The following EDEM3 variants were observed in gnomAD, a reference collection of about 807,000 sequenced individuals.
The protein encoded by EDEM3 is ER degradation-enhancing alpha-mannosidase-like protein 3.
Under a neutral mutation model 110.2 loss-of-function variants are expected in EDEM3, and 60 were observed. The observed-to-expected ratio is 0.54, with a 90% confidence interval of 0.44 to 0.67. EDEM3 has a LOEUF of 0.67. EDEM3 is among the 30% of genes least tolerant of loss of function. The probability of loss-of-function intolerance (pLI) is 0.00; values close to 1 mark genes in which losing one functional copy is unlikely to be tolerated. For synonymous variants in EDEM3, 352 were observed against 382.9 expected (o/e 0.92, Z 0.94); for missense variants, 996 against 1,121.0 (o/e 0.89, Z 1.59).
chr1:184,724,992 T>C (rs1238880672), intron 7 of EDEM3, among the ~76,000 whole-genome samples: 2 of 152,166 alleles, frequency 1.3e-5, no homozygotes, highest in Admixed American at 1.3e-4. Flanking sequence ...TCTGTCACTG[T>C]AGCACCAAAG....
intron 18 of EDEM3, 138 bp downstream of exon 18, chr1:184,706,505 G>A (rs1649934839): frequency 1.6e-6 from 1 of 627,148 alleles, no homozygotes; most frequent in East Asian, 3.0e-5. Context: ...AAAGTCATTG[G>A]ATTACCTATC....
chr1:184,719,124 G>C (rs1041155690), intron 11 of EDEM3, 38 bp downstream of exon 11: 3 of 1,171,498 alleles, frequency 2.6e-6, no homozygotes, highest in Non-Finnish European at 3.7e-6. Context: ...GTGTGTGTTT[G>C]TGTGTGTGTA....
At chr1:184,694,807 T>C (rs1030418348) in intron 19 of EDEM3, among the ~76,000 whole-genome samples, 54 of 152,076 alleles carry the variant, frequency 3.6e-4, no homozygotes, top group Non-Finnish European at 7.7e-4. Context: ...ATTTGCAATG[T>C]ATGGCTAAAA....
chr1:184,736,908 T>C, intron 4 of EDEM3, 117 bp downstream of exon 4: 1 of 811,640 alleles, frequency 1.2e-6, no homozygotes, highest in East Asian at 2.5e-5. Context: ...GAAGCAAAGA[T>C]CAGAACATCT....
intron 15 of EDEM3, among the ~76,000 whole-genome samples, chr1:184,711,419 T>C (rs1650223972): frequency 6.6e-6 from 1 of 152,146 alleles, no homozygotes; most frequent in Non-Finnish European, 1.5e-5. Context: ...TCGATGAAAC[T>C]ATTCCATGAA....
chr1:184,737,558 T>C, intron 3 of EDEM3, 53 bp downstream of exon 3: 1 of 1,547,360 alleles, frequency 6.5e-7, no homozygotes, highest in Non-Finnish European at 8.9e-7. Flanking sequence ...TCTGTAAAAG[T>C]CTAAGACTTG....
At chr1:184,732,068 C>A (rs940149954) in intron 6 of EDEM3, among the ~76,000 whole-genome samples, 1 of 151,816 alleles carries the variant, frequency 6.6e-6, no homozygotes, top group Non-Finnish European at 1.5e-5. Context: ...CCCAGCTACT[C>A]GGGAGGCTGA....
intron 6 of EDEM3, among the ~76,000 whole-genome samples, chr1:184,730,279 G>A (rs1651433921): frequency 6.6e-6 from 1 of 152,190 alleles, no homozygotes; most frequent in Non-Finnish European, 1.5e-5. Context: ...ATAAAAAGAT[G>A]TGTATCAGAA....
At position 184,744,766 on chromosome 1, in the gene EDEM3, T is replaced by C. The variant is rs375943027; in HGVS notation, c.204+4781A>G. Among the ~76,000 whole-genome samples, 5 of 152,234 alleles carry C rather than the reference T, an allele frequency of 3.3e-5. 1 individual carries two copies. Among genetic ancestry groups the C allele is most frequent in the African/African-American group, 9.6e-5 (4 of 41,576 alleles). The stretch of plus-strand genomic sequence containing the variant: ...TTACAATATATCTCCAATATTGTGT[T>C]CTAGCAAATCAACTAACACTACTGA... On this transcript the variant is annotated intron_variant, in intron 2 of 19. Coordinates refer to ENST00000318130, the MANE Select transcript of EDEM3 (RefSeq NM_025191.4).
chr1:184,723,395 G>A (rs982436844), intron 8 of EDEM3, among the ~76,000 whole-genome samples: 3 of 151,910 alleles, frequency 2.0e-5, no homozygotes, highest in Non-Finnish European at 4.4e-5. Flanking sequence ...CTATATTTCT[G>A]GAGGTAGGAG....
chr1:184,708,615 G>A (rs559664913), intron 16 of EDEM3, among the ~76,000 whole-genome samples: 1 of 152,162 alleles, frequency 6.6e-6, no homozygotes, highest in Non-Finnish European at 1.5e-5. Flanking sequence ...GACTTCTAGC[G>A]AATGCTCAAA....
At chr1:184,751,781 T>A (rs1474911782) in intron 1 of EDEM3, among the ~76,000 whole-genome samples, 1 of 152,204 alleles carries the variant, frequency 6.6e-6, no homozygotes, top group Non-Finnish European at 1.5e-5. Context: ...GAGACAGAGT[T>A]TTGCTCTTGT....
In EDEM3 at chr1:184,723,840, G is replaced by C; in HGVS notation, c.764C>G (p.Ala255Gly). ...TCTTTTTTCCCAGAGAAAATCAAGA[G>C]CTTTTCTGGCATATTCCTGTAATTT... ...ATIFEEYARK[A>G]LDFLWEKRQR... The change falls in exon 8 of 20, where the codon GCT becomes GGT. Residue 255 changes from alanine to glycine, a missense_variant. Ala to Gly is a moderately conservative substitution (Grantham distance 60). Coordinates refer to ENST00000318130, the MANE Select transcript of EDEM3 (RefSeq NM_025191.4). 6.6e-7 allele frequency: 1 copy of C among 1,514,958 alleles called. No individual in the cohort carries two copies. Among genetic ancestry groups the C allele is most frequent in the Non-Finnish European group, 8.8e-7 (1 of 1,133,598 alleles). 93.8% of individuals were successfully genotyped at this position (1,514,958 alleles called of 1,614,324 possible). A position where few individuals can be genotyped will look rare whatever the true frequency, so the allele number is the denominator to read the frequency against.
At chr1:184,739,306 A>G (rs1451904041) in intron 2 of EDEM3, among the ~76,000 whole-genome samples, 1 of 149,034 alleles carries the variant, frequency 6.7e-6, no homozygotes, top group Admixed American at 6.7e-5. Context: ...TAAAATAACT[A>G]TTTTATCATT....
Position 184,721,398 on chromosome 1 carries a change from CA to C in EDEM3, c.854-13del, listed in dbSNP as rs756181870. The C allele has an allele frequency of 1.9e-6, 3 of 1,563,618 alleles. No individual in the cohort carries two copies. Among genetic ancestry groups the C allele is most frequent in the Non-Finnish European group, 2.6e-6 (3 of 1,161,938 alleles). On this transcript the variant is annotated splice_polypyrimidine_tract_variant and intron_variant, in intron 8 of 19. Coordinates refer to ENST00000318130, the MANE Select transcript of EDEM3 (RefSeq NM_025191.4). ...TCCAACTCCACTATCTATGGAAACA[CA>C]AATGTGATTTTTCATTAAATTTTTT...
At chr1:184,753,831 G>C (rs553799346) in intron 1 of EDEM3, among the ~76,000 whole-genome samples, 2 of 151,978 alleles carry the variant, frequency 1.3e-5, no homozygotes, top group African/African-American at 4.8e-5. Context: ...TCATGTGTAG[G>C]ACCTCGTGTA....
chr1:184,732,748 G>A lies in EDEM3; in HGVS notation c.612+89C>T, dbSNP rs944642822. 6 of 1,320,638 alleles carry A rather than the reference G, an allele frequency of 4.5e-6. No homozygotes were observed. The African/African-American group carries it at 7.5e-5, about 16-fold the overall frequency. 81.8% of individuals were successfully genotyped at this position (1,320,638 alleles called of 1,614,324 possible). A position where few individuals can be genotyped will look rare whatever the true frequency, so the allele number is the denominator to read the frequency against. On this transcript the variant is annotated intron_variant, in intron 6 of 19. Transcript: ENST00000318130. ...GCATTTTTTTTTCAGCCTCAAGCTG[G>A]TGAAGAACAATGGCTCTGATCACAA...
intron 18 of EDEM3, among the ~76,000 whole-genome samples, chr1:184,703,584 A>G (rs1649748157): frequency 6.6e-6 from 1 of 152,230 alleles, no homozygotes. Flanking sequence ...TGGTTAAATA[A>G]TAGTAGTAGA....
intron 13 of EDEM3, among the ~76,000 whole-genome samples, chr1:184,713,607 A>G (rs1650380645): frequency 6.6e-6 from 1 of 152,336 alleles, no homozygotes; most frequent in South Asian, 2.1e-4. Context: ...CTGGCCAAGC[A>G]CAATTCCTGG....
Sources: allele counts gnomAD v4.1 joint callset (sites outside exome capture counted in the v4.1 genomes callset), GRCh38; gene constraint gnomAD v4.1.1; transcripts MANE v1.5; gene names NCBI Gene and HGNC (gene_info 2026-07-23, HGNC 2026-07-21).